CSMD1: variants seen among roughly 807,000 people sequenced by gnomAD.
The protein encoded by CSMD1 is CUB and Sushi multiple domains 1, also known as CUB and sushi domain-containing protein 1.
In CSMD1, 213 loss-of-function variants were observed where a neutral mutation model predicts 417.5. The ratio of observed to expected loss-of-function variants is 0.51; its 90% CI spans 0.46 to 0.57. The LOEUF (loss-of-function observed/expected upper bound fraction) is 0.57. Among genes scored for constraint, CSMD1 ranks in the 20% least tolerant of loss-of-function variants. The pLI is 0.00. For missense variants in CSMD1, 6,923 were observed against 4,529.7 expected (o/e 1.53, Z -15.17); for synonymous variants, 2,862 against 1,736.8 (o/e 1.65, Z -16.11).
At chr8:3,214,313 G>C (rs192106653) in intron 30 of CSMD1, among the ~76,000 whole-genome samples, 184 bp downstream of exon 30, 26 of 152,224 alleles carry the variant, frequency 1.7e-4, no homozygotes, top group African/African-American at 5.1e-4. Flanking sequence ...CTATGAGAAT[G>C]GCTAACACAC....
chr8:3,926,851 G>A (rs1346336005), intron 5 of CSMD1, among the ~76,000 whole-genome samples: 1 of 150,994 alleles, frequency 6.6e-6, no homozygotes, highest in Non-Finnish European at 1.5e-5. Flanking sequence ...AAGTAGCTGG[G>A]ATTACAGGCA....
At chr8:3,717,939 T>C (rs976247764) in intron 6 of CSMD1, among the ~76,000 whole-genome samples, 2 of 152,184 alleles carry the variant, frequency 1.3e-5, no homozygotes, top group African/African-American at 4.8e-5. Flanking sequence ...AGGCTGTTAA[T>C]CTACTAGGCT....
At chr8:4,448,879 C>G (rs2129792407) in intron 2 of CSMD1, among the ~76,000 whole-genome samples, 1 of 152,290 alleles carries the variant, frequency 6.6e-6, no homozygotes, top group Non-Finnish European at 1.5e-5. Context: ...CTCTTATTCA[C>G]CAAGTAAACA....
At chr8:3,001,877 G>T (rs942636669) in intron 52 of CSMD1, among the ~76,000 whole-genome samples, 2 of 152,146 alleles carry the variant, frequency 1.3e-5, no homozygotes, top group African/African-American at 4.8e-5. Flanking sequence ...ACTCCTTTGG[G>T]ATTAAGTATA....
chr8:3,619,205 A>T (rs1209048630), intron 7 of CSMD1, among the ~76,000 whole-genome samples: 1 of 152,130 alleles, frequency 6.6e-6, no homozygotes, highest in South Asian at 2.1e-4. Context: ...AAAAACAAAA[A>T]TACAGCAAAA....
At chr8:4,308,915 G>C (rs1452213548) in intron 3 of CSMD1, among the ~76,000 whole-genome samples, 1 of 152,020 alleles carries the variant, frequency 6.6e-6, no homozygotes, top group Non-Finnish European at 1.5e-5. Flanking sequence ...AAATATCAAA[G>C]GTCCATTTAT....
intron 39 of CSMD1, among the ~76,000 whole-genome samples, chr8:3,153,518 C>T (rs151107570): frequency 8.2e-4 from 125 of 152,118 alleles, no homozygotes; most frequent in African/African-American, 2.8e-3. Flanking sequence ...AGGGAAGACA[C>T]GAATGAAAAA....
At chr8:4,425,400 G>C (rs1182310078) in intron 2 of CSMD1, among the ~76,000 whole-genome samples, 1 of 147,280 alleles carries the variant, frequency 6.8e-6, no homozygotes, top group African/African-American at 2.5e-5. Flanking sequence ...AAAAAAAATA[G>C]AGTCCAACAT....
intron 1 of CSMD1, among the ~76,000 whole-genome samples, chr8:4,818,152 T>C (rs1015329405): frequency 6.6e-6 from 1 of 152,172 alleles, no homozygotes; most frequent in Admixed American, 6.5e-5. Context: ...ATAATTTATG[T>C]GACAAATGAG....
chr8:4,496,435 A>T (rs1347481477), intron 2 of CSMD1, among the ~76,000 whole-genome samples: 1 of 152,196 alleles, frequency 6.6e-6, no homozygotes, highest in East Asian at 1.9e-4. Context: ...AAAACATAAA[A>T]GCCTGGACAT....
chr8:4,822,999 T>A (rs1191298405), intron 1 of CSMD1, among the ~76,000 whole-genome samples: 1 of 152,184 alleles, frequency 6.6e-6, no homozygotes, highest in African/African-American at 2.4e-5. Flanking sequence ...CAGTAATTAT[T>A]TGTATTTCAC....
chr8:3,729,945 AAAAAAAAAAAAAAAAACAAAAAC>A, intron 6 of CSMD1, among the ~76,000 whole-genome samples: 1 of 19,518 alleles, frequency 5.1e-5, no homozygotes, highest in East Asian at 1.9e-3. Context: ...AAAAAAAAAA[AAAAAAAAAAAAAAAAACAAAAAC>A]AGAAGAACGG....
intron 13 of CSMD1, 131 bp from the exon 14 acceptor site, chr8:3,408,356 T>A: frequency 1.5e-6 from 1 of 653,862 alleles, no homozygotes; most frequent in Non-Finnish European, 2.6e-6. Flanking sequence ...ACTATTTTAA[T>A]ATAAGTAATT....
At chr8:3,041,249 G>A (rs75091710) in intron 50 of CSMD1, among the ~76,000 whole-genome samples, 1 of 152,082 alleles carries the variant, frequency 6.6e-6, no homozygotes, top group Non-Finnish European at 1.5e-5. Context: ...CAGTTAAATA[G>A]ATATGTACTA....
chr8:3,872,995 A>G (rs554575033), intron 5 of CSMD1, among the ~76,000 whole-genome samples: 115 of 152,278 alleles, frequency 7.6e-4, no homozygotes, highest in African/African-American at 2.5e-3. Flanking sequence ...AATCAAAACC[A>G]CAGTGAGATA....
chr8:3,138,310 C>G (rs564838635), intron 41 of CSMD1, among the ~76,000 whole-genome samples: 39 of 152,298 alleles, frequency 2.6e-4, no homozygotes, highest in Non-Finnish European at 4.7e-4. Context: ...GCAGGGAACT[C>G]TACTCCTGTA....
chr8:4,268,449 A>C (rs1563362650), intron 3 of CSMD1, among the ~76,000 whole-genome samples: 1 of 152,170 alleles, frequency 6.6e-6, no homozygotes, highest in Non-Finnish European at 1.5e-5. Context: ...AGCAAGTCTG[A>C]GGTACTGAAA....
chr8:3,051,143 C>T (rs1003004963), intron 50 of CSMD1, among the ~76,000 whole-genome samples: 24 of 152,290 alleles, frequency 1.6e-4, no homozygotes, highest in African/African-American at 5.5e-4. Flanking sequence ...AAGACACATG[C>T]ACATGTATGT....
At chr8:3,703,078 T>G (rs1800957328) in intron 7 of CSMD1, among the ~76,000 whole-genome samples, 1 of 152,230 alleles carries the variant, frequency 6.6e-6, no homozygotes, top group African/African-American at 2.4e-5. Context: ...CTTAGATATT[T>G]AAGATATTAA....
Sources: gnomAD v4.1 joint callset for allele counts (sites outside exome capture counted in the v4.1 genomes callset) on GRCh38, gnomAD v4.1.1 for gene constraint, MANE v1.5 for transcripts, NCBI Gene and HGNC (gene_info 2026-07-23, HGNC 2026-07-21) for gene names.